ATXN7L1: variants seen among roughly 807,000 people sequenced by gnomAD.
ATXN7L1 encodes ataxin 7 like 1.
Under a neutral mutation model 70.8 loss-of-function variants are expected in ATXN7L1, and 15 were observed. The ratio of observed to expected loss-of-function variants is 0.21; its 90% CI spans 0.14 to 0.33. The LOEUF (loss-of-function observed/expected upper bound fraction) is 0.33, where lower values mean the gene tolerates loss of function less well. Among genes scored for constraint, ATXN7L1 ranks in the 10% least tolerant of loss-of-function variants. The probability of loss-of-function intolerance (pLI) is 1.00; values close to 1 mark genes in which losing one functional copy is unlikely to be tolerated. For synonymous variants in ATXN7L1, 440 were observed against 445.1 expected, an observed-to-expected ratio of 0.99 and a Z score of 0.14; for missense variants, 975 against 1,097.1, an observed-to-expected ratio of 0.89 and a Z score of 1.57.
At chr7:105,671,571 G>C (rs846924) in intron 3 of ATXN7L1, among the ~76,000 whole-genome samples, 129,280 of 152,138 alleles carry the variant, frequency 0.85, 55,362 homozygotes, top group African/African-American at 0.95. Flanking sequence ...GCTCTCACCC[G>C]TTCTGTCCTT....
chr7:105,827,946 C>T (rs1050321529), intron 2 of ATXN7L1, among the ~76,000 whole-genome samples: 1 of 152,152 alleles, frequency 6.6e-6, no homozygotes, highest in Non-Finnish European at 1.5e-5. Flanking sequence ...AATAAATAGT[C>T]ATATGTCAGT....
At chr7:105,874,566 A>T (rs1818744222) in intron 2 of ATXN7L1, among the ~76,000 whole-genome samples, 1 of 152,258 alleles carries the variant, frequency 6.6e-6, no homozygotes, top group Admixed American at 6.5e-5. Flanking sequence ...AGAAGCAAAC[A>T]TCTTTAGAAT....
chr7:105,636,860 T>TCCCATA (rs1397788233), intron 7 of ATXN7L1, among the ~76,000 whole-genome samples: 2 of 152,198 alleles, frequency 1.3e-5, no homozygotes, highest in Non-Finnish European at 2.9e-5. Context: ...TCTACTTTCC[T>TCCCATA]ATCAGGTACC....
Position 105,876,517 on chromosome 7 carries a change from A to T in ATXN7L1, c.42T>A (p.Ala14=). The change falls in exon 1 of 12, where the codon GCT becomes GCA. Residue 14 remains alanine (A), a synonymous_variant. Transcript: ENST00000419735. ...ERSRIPCLSA[A]AAEGTGKKQQ... is the part of the protein sequence containing the mutation. ...GCTTTTTCCCTGTTCCTTCGGCAGC[A>T]GCAGCCGAGAGACACGGGATTCGAG... 2 of 1,610,960 alleles carry T rather than the reference A, an allele frequency of 1.2e-6. No individual in the cohort carries two copies. The highest frequency in any genetic ancestry group is 1.7e-6 in the Non-Finnish European group (2 of 1,178,560).
At chr7:105,647,129 G>A (rs1286740773) in intron 4 of ATXN7L1, among the ~76,000 whole-genome samples, 1 of 152,206 alleles carries the variant, frequency 6.6e-6, no homozygotes, top group Non-Finnish European at 1.5e-5. Flanking sequence ...AGCCTTCTCT[G>A]ATGTATTAAT....
At chr7:105,691,117 A>T (rs779406032) in intron 3 of ATXN7L1, among the ~76,000 whole-genome samples, 1 of 152,130 alleles carries the variant, frequency 6.6e-6, no homozygotes, top group Non-Finnish European at 1.5e-5. Context: ...AGTCCTGCAG[A>T]CCAGCCCTTG....
chr7:105,643,535 C>T (rs774737100), intron 4 of ATXN7L1, among the ~76,000 whole-genome samples: 18 of 152,246 alleles, frequency 1.2e-4, no homozygotes, highest in Non-Finnish European at 2.4e-4. Flanking sequence ...CCCCTCCCCC[C>T]GCTGCTCAGC....
chr7:105,634,261 C>T (rs1052554214), intron 7 of ATXN7L1, among the ~76,000 whole-genome samples: 24 of 152,190 alleles, frequency 1.6e-4, no homozygotes, highest in African/African-American at 5.6e-4. Context: ...TCTGGTCTAA[C>T]GTCAAAGCAT....
chr7:105,850,075 CT>C (rs1304437378), intron 2 of ATXN7L1, among the ~76,000 whole-genome samples: 1 of 152,150 alleles, frequency 6.6e-6, no homozygotes, highest in Non-Finnish European at 1.5e-5. Context: ...ATTGGCAGTG[CT>C]TTTTCTCAGT....
At chr7:105,775,323 G>T (rs981737620) in intron 3 of ATXN7L1, among the ~76,000 whole-genome samples, 44 of 152,028 alleles carry the variant, frequency 2.9e-4, no homozygotes, top group Non-Finnish European at 2.2e-4. Context: ...CAGAAAGAAA[G>T]CCTGGCAAAG....
intron 4 of ATXN7L1, among the ~76,000 whole-genome samples, chr7:105,648,749 C>T (rs1046488740): frequency 5.9e-5 from 9 of 152,222 alleles, no homozygotes; most frequent in African/African-American, 2.2e-4. Flanking sequence ...TCACCTTCCC[C>T]AGCCAGGAAA....
At chr7:105,840,508 C>T (rs1813049785) in intron 2 of ATXN7L1, among the ~76,000 whole-genome samples, 1 of 152,174 alleles carries the variant, frequency 6.6e-6, no homozygotes, top group Admixed American at 6.5e-5. Context: ...GCTCTTCTGC[C>T]ACATTTTCTG....
intron 8 of ATXN7L1, among the ~76,000 whole-genome samples, chr7:105,620,588 G>T (rs1794773914): frequency 6.6e-6 from 1 of 152,114 alleles, no homozygotes; most frequent in South Asian, 2.1e-4. Context: ...GATTGAGCCA[G>T]CATTTTTGGT....
At chr7:105,788,503 G>T in intron 3 of ATXN7L1, 101 bp downstream of exon 3, 1 of 973,252 alleles carries the variant, frequency 1.0e-6, no homozygotes, top group Non-Finnish European at 1.6e-6. Flanking sequence ...GCCTCAGGCT[G>T]AGACAAGACA....
At chr7:105,664,253 T>C (rs151069034) in intron 4 of ATXN7L1, among the ~76,000 whole-genome samples, 1 of 152,058 alleles carries the variant, frequency 6.6e-6, no homozygotes, top group Admixed American at 6.6e-5. Context: ...CCAGGCACAC[T>C]GTCAGTGCTT....
At chr7:105,686,388 C>T (rs139940000) in intron 3 of ATXN7L1, among the ~76,000 whole-genome samples, 4 of 152,178 alleles carry the variant, frequency 2.6e-5, no homozygotes, top group Admixed American at 1.3e-4. Flanking sequence ...TGGTGGTGGG[C>T]GCCTGTAATC....
In ATXN7L1 at chr7:105,704,329, A is replaced by T. The variant is rs140811541; in HGVS notation, c.356-39041T>A. On this transcript the variant is annotated intron_variant, in intron 3 of 11. Coordinates refer to ENST00000419735, the MANE Select transcript of ATXN7L1 (RefSeq NM_020725.2). ...TGTCAAATGAATAAAATAAGAAAGA[A>T]TTTTGTCATTTCTAGATCTGGCTTA... 8.5e-4 allele frequency among the ~76,000 whole-genome samples: 129 copies of T among 152,272 alleles called. No homozygotes were observed. The East Asian group carries it at 0.024, about 28-fold the overall frequency.
At chr7:105,682,398 A>C (rs1805659606) in intron 3 of ATXN7L1, among the ~76,000 whole-genome samples, 1 of 152,202 alleles carries the variant, frequency 6.6e-6, no homozygotes, top group African/African-American at 2.4e-5. Context: ...ATATAGAATT[A>C]CCATATGGAC....
chr7:105,700,508 C>CAAAA (rs1186998293), intron 3 of ATXN7L1, among the ~76,000 whole-genome samples: 57 of 49,778 alleles, frequency 1.1e-3, no homozygotes, highest in African/African-American at 1.5e-3. Context: ...GACTCTGTCT[C>CAAAA]AAAAAAAAAA....
Sources: gnomAD v4.1 joint callset for allele counts (sites outside exome capture counted in the v4.1 genomes callset) on GRCh38, gnomAD v4.1.1 for gene constraint, MANE v1.5 for transcripts, NCBI Gene and HGNC (gene_info 2026-07-23, HGNC 2026-07-21) for gene names.